The following AKAP19 variants were observed in gnomAD, a reference collection of about 807,000 sequenced individuals.
The protein encoded by AKAP19 is A-kinase anchoring protein 19.
At chr2:190,188,230 T>A in the AKAP19 span, among the ~76,000 whole-genome samples, 3 of 152,334 alleles carry the variant, frequency 2.0e-5, no homozygotes, top group Admixed American at 6.5e-5. Context: ...AAACACATAG[T>A]AGACACTCAA....
the AKAP19 span, among the ~76,000 whole-genome samples, chr2:189,906,595 C>T: frequency 6.6e-6 from 1 of 152,084 alleles, no homozygotes; most frequent in Non-Finnish European, 1.5e-5. Flanking sequence ...ACTGTGTGTA[C>T]AGTGTGTATT....
the AKAP19 span, among the ~76,000 whole-genome samples, chr2:190,053,200 A>C: frequency 6.6e-6 from 1 of 152,208 alleles, no homozygotes; most frequent in Non-Finnish European, 1.5e-5. Context: ...GTCAACCTTT[A>C]TAAGTTATCT....
chr2:190,015,533 T>C, the AKAP19 span, among the ~76,000 whole-genome samples: 2 of 152,238 alleles, frequency 1.3e-5, no homozygotes, highest in Non-Finnish European at 2.9e-5. Flanking sequence ...GAGGCTGCTG[T>C]GAAAGCCTCT....
the AKAP19 span, among the ~76,000 whole-genome samples, chr2:190,023,649 A>G: frequency 6.6e-6 from 1 of 151,722 alleles, no homozygotes. Context: ...TAAAATTTAC[A>G]TTCTTTCTTG....
At chr2:190,040,639 G>T in the AKAP19 span, among the ~76,000 whole-genome samples, 3 of 152,028 alleles carry the variant, frequency 2.0e-5, no homozygotes, top group Non-Finnish European at 4.4e-5. Flanking sequence ...GTCTTCCAGG[G>T]TTTTTATAGT....
the AKAP19 span, among the ~76,000 whole-genome samples, chr2:190,103,946 G>T: frequency 6.6e-6 from 1 of 152,090 alleles, no homozygotes; most frequent in African/African-American, 2.4e-5. Context: ...ATACTATAAG[G>T]TCACAGTAAC....
At chr2:189,902,915 T>G in the AKAP19 span, among the ~76,000 whole-genome samples, 4 of 151,910 alleles carry the variant, frequency 2.6e-5, no homozygotes, top group Non-Finnish European at 5.9e-5. Context: ...AAGTCTTTAT[T>G]AATAATCTCT....
chr2:190,191,342 A>AG, the AKAP19 span, among the ~76,000 whole-genome samples: 1 of 152,100 alleles, frequency 6.6e-6, no homozygotes, highest in Admixed American at 6.6e-5. Flanking sequence ...ACAGAGTTTC[A>AG]CCATGTTGGC....
the AKAP19 span, among the ~76,000 whole-genome samples, chr2:189,967,519 G>C: frequency 9.2e-5 from 14 of 152,238 alleles, no homozygotes; most frequent in African/African-American, 3.4e-4. Context: ...CTGATGAAAA[G>C]ATTCTTCAAA....
the AKAP19 span, among the ~76,000 whole-genome samples, chr2:190,162,554 T>G: frequency 3.3e-5 from 5 of 152,192 alleles, no homozygotes; most frequent in Admixed American, 2.0e-4. Context: ...TCTCTGCTAC[T>G]ACATTTATGA....
chr2:190,069,994 G>T, the AKAP19 span, among the ~76,000 whole-genome samples: 14 of 152,210 alleles, frequency 9.2e-5, no homozygotes, highest in African/African-American at 3.4e-4. Flanking sequence ...AATTTACAGT[G>T]AAATACTTTT....
the AKAP19 span, among the ~76,000 whole-genome samples, chr2:190,116,121 G>A: frequency 1.3e-5 from 2 of 152,144 alleles, no homozygotes; most frequent in African/African-American, 2.4e-5. Flanking sequence ...TGTACCTCCA[G>A]TATTGTGATA....
At chr2:190,094,710 A>G in the AKAP19 span, among the ~76,000 whole-genome samples, 1 of 152,192 alleles carries the variant, frequency 6.6e-6, no homozygotes, top group Admixed American at 6.5e-5. Context: ...GTCACTATTC[A>G]TAATTTATAG....
chr2:190,151,736 T>C, the AKAP19 span, among the ~76,000 whole-genome samples: 1 of 151,490 alleles, frequency 6.6e-6, no homozygotes, highest in East Asian at 1.9e-4. Flanking sequence ...GCATAGTGGC[T>C]CACGCCTGTA....
At chr2:189,924,102 A>G in the AKAP19 span, 497 of 1,511,812 alleles carry the variant, frequency 3.3e-4, no homozygotes, top group Non-Finnish European at 3.6e-4. Context: ...CTACTGGATG[A>G]TGATGATAAT....
the AKAP19 span, among the ~76,000 whole-genome samples, chr2:189,907,760 C>CAT: frequency 5.3e-5 from 8 of 151,936 alleles, no homozygotes; most frequent in Non-Finnish European, 1.0e-4. Context: ...CAAATATTAT[C>CAT]ATATATATAT....
the AKAP19 span, among the ~76,000 whole-genome samples, chr2:189,976,481 A>G: frequency 2.6e-5 from 4 of 152,190 alleles, no homozygotes; most frequent in Non-Finnish European, 4.4e-5. Flanking sequence ...GCGTGCTGGG[A>G]GAACCACTAC....
chr2:189,932,446 T>C, the AKAP19 span, among the ~76,000 whole-genome samples: 10 of 151,082 alleles, frequency 6.6e-5, 1 homozygote, highest in East Asian at 1.5e-3. Flanking sequence ...TCATGATAAA[T>C]GCTGATTCTC....
the AKAP19 span, chr2:190,055,899 C>A: frequency 6.6e-6 from 1 of 152,232 alleles, no homozygotes; most frequent in Non-Finnish European, 1.5e-5. Context: ...GTTGAGATAG[C>A]ATCAGTTTAT....
Sources: allele counts gnomAD v4.1 joint callset (sites outside exome capture counted in the v4.1 genomes callset), GRCh38; gene constraint gnomAD v4.1.1; transcripts MANE v1.5; gene names NCBI Gene and HGNC (gene_info 2026-07-23, HGNC 2026-07-21).